PTPRD: variants seen among roughly 807,000 people sequenced by gnomAD.
The protein encoded by PTPRD is protein tyrosine phosphatase receptor type D, also known as receptor-type tyrosine-protein phosphatase delta.
A neutral mutation model predicts 214.5 loss-of-function variants in PTPRD; 34 were observed. That is an observed-to-expected ratio of 0.16 (90% CI 0.12 to 0.21). The LOEUF is 0.21. Among genes scored for constraint, PTPRD ranks in the 10% least tolerant of loss-of-function variants. The pLI is 1.00. For missense variants in PTPRD, 2,545 were observed against 2,398.7 expected (o/e 1.06, Z -1.27); for synonymous variants, 1,128 against 845.7 (o/e 1.33, Z -5.79).
chr9:10,413,677 C>G (rs1184549471), intron 2 of PTPRD, among the ~76,000 whole-genome samples: 1 of 151,926 alleles, frequency 6.6e-6, no homozygotes, highest in Admixed American at 6.6e-5. Context: ...AAGAACAAAG[C>G]TGGAGGCATC....
chr9:9,767,733 T>A (rs575152246), intron 5 of PTPRD, among the ~76,000 whole-genome samples: 1 of 152,108 alleles, frequency 6.6e-6, no homozygotes, highest in Admixed American at 6.6e-5. Context: ...GAGTAAAATT[T>A]TTTGCTATGA....
chr9:10,524,345 T>C (rs989144873), intron 2 of PTPRD, among the ~76,000 whole-genome samples: 9 of 152,102 alleles, frequency 5.9e-5, no homozygotes, highest in African/African-American at 2.2e-4. Flanking sequence ...TTGTGTTTGA[T>C]ACATAGTTTA....
At chr9:9,077,758 T>C (rs541482717) in intron 10 of PTPRD, among the ~76,000 whole-genome samples, 14 of 152,114 alleles carry the variant, frequency 9.2e-5, no homozygotes, top group African/African-American at 3.4e-4. Flanking sequence ...TGCCTACCTA[T>C]ACAAGATAAA....
chr9:9,998,791 C>T (rs1187222993), intron 4 of PTPRD, among the ~76,000 whole-genome samples: 1 of 152,040 alleles, frequency 6.6e-6, no homozygotes, highest in Non-Finnish European at 1.5e-5. Flanking sequence ...TTGAGATAAG[C>T]GAGGGAAAGG....
At position 9,690,795 on chromosome 9, in the gene PTPRD, G is replaced by T. The variant is rs542626699; in HGVS notation, c.-287+43738C>A. 5.9e-5 allele frequency among the ~76,000 whole-genome samples: 9 copies of T among 151,806 alleles called. No homozygotes were observed. The South Asian group carries it at 1.9e-3, about 32-fold the overall frequency. On this transcript the variant is annotated intron_variant, in intron 7 of 45. Coordinates refer to ENST00000381196, the MANE Select transcript of PTPRD (RefSeq NM_002839.4). ...GCTGTAAATGTGTGGACTTATTTCT[G>T]GTCTCTATTCTGTTTCATTGGTGTA...
chr9:9,818,609 A>G (rs936977083), intron 5 of PTPRD, among the ~76,000 whole-genome samples: 2 of 152,100 alleles, frequency 1.3e-5, no homozygotes, highest in African/African-American at 4.8e-5. Flanking sequence ...AATACTAACA[A>G]ACATTATTAT....
chr9:10,263,761 A>G (rs1595669063), intron 3 of PTPRD, among the ~76,000 whole-genome samples: 1 of 152,154 alleles, frequency 6.6e-6, no homozygotes, highest in African/African-American at 2.4e-5. Context: ...AAGGAGCCCA[A>G]TGTTAATCAC....
At chr9:9,760,611 C>A (rs1291505856) in intron 6 of PTPRD, among the ~76,000 whole-genome samples, 1 of 101,670 alleles carries the variant, frequency 9.8e-6, no homozygotes, top group African/African-American at 4.9e-5. Flanking sequence ...CACACACACA[C>A]ACACACACAC....
chr9:8,784,190 T>C (rs1482061641), intron 11 of PTPRD, among the ~76,000 whole-genome samples: 1 of 152,170 alleles, frequency 6.6e-6, no homozygotes, highest in African/African-American at 2.4e-5. Flanking sequence ...AAGCTAATAA[T>C]GGCTTCATTC....
intron 8 of PTPRD, among the ~76,000 whole-genome samples, chr9:9,535,744 A>AT (rs2076382950): frequency 6.6e-6 from 1 of 152,046 alleles, no homozygotes; most frequent in African/African-American, 2.4e-5. Context: ...ACAGAAAAAC[A>AT]TTTTCAGAAG....
chr9:9,763,692 C>A (rs1013548706), intron 6 of PTPRD, among the ~76,000 whole-genome samples: 13 of 152,160 alleles, frequency 8.5e-5, no homozygotes, highest in African/African-American at 3.1e-4. Context: ...ACTTTCCAAT[C>A]TGTACACTTA....
chr9:10,222,815 G>A (rs2099575693), intron 3 of PTPRD, among the ~76,000 whole-genome samples: 1 of 151,936 alleles, frequency 6.6e-6, no homozygotes, highest in African/African-American at 2.4e-5. Context: ...AACAATTTCA[G>A]AAAGAAAGAA....
chr9:8,965,144 G>A (rs1304589236), intron 11 of PTPRD, among the ~76,000 whole-genome samples: 3 of 152,108 alleles, frequency 2.0e-5, no homozygotes, highest in Non-Finnish European at 2.9e-5. Flanking sequence ...TTGGGAGGCC[G>A]AGGCAGGCAG....
At chr9:10,292,008 C>T (rs545639654) in intron 3 of PTPRD, among the ~76,000 whole-genome samples, 2 of 152,116 alleles carry the variant, frequency 1.3e-5, no homozygotes, top group African/African-American at 4.8e-5. Context: ...AATTTCCATG[C>T]ACTAAGTAGC....
At chr9:9,021,753 T>TA (rs1024042761) in intron 10 of PTPRD, among the ~76,000 whole-genome samples, 2 of 151,870 alleles carry the variant, frequency 1.3e-5, no homozygotes, top group Admixed American at 1.3e-4. Context: ...TAATTTTTAG[T>TA]AAAAAAAAGT....
chr9:9,048,627 G>C (rs763264428), intron 10 of PTPRD, among the ~76,000 whole-genome samples: 2 of 152,114 alleles, frequency 1.3e-5, no homozygotes, highest in African/African-American at 2.4e-5. Flanking sequence ...CATGAACATA[G>C]AGAGTAGAAG....
chr9:10,304,771 T>C (rs768280510), intron 3 of PTPRD, among the ~76,000 whole-genome samples: 5 of 152,004 alleles, frequency 3.3e-5, no homozygotes, highest in Admixed American at 6.6e-5. Context: ...ACACAAACAA[T>C]TGGAAAAACA....
chr9:10,482,534 C>G (rs2099107511), intron 2 of PTPRD, among the ~76,000 whole-genome samples: 1 of 151,920 alleles, frequency 6.6e-6, no homozygotes, highest in Non-Finnish European at 1.5e-5. Flanking sequence ...TAAAAGACCC[C>G]TCCAAAAGAT....
chr9:10,583,993 C>A (rs1481247633), intron 2 of PTPRD, among the ~76,000 whole-genome samples: 1 of 152,064 alleles, frequency 6.6e-6, no homozygotes, highest in Admixed American at 6.5e-5. Flanking sequence ...CAATTCTGAG[C>A]ATTGCCAGCC....
Sources: gnomAD v4.1 joint callset for allele counts (sites outside exome capture counted in the v4.1 genomes callset) on GRCh38, gnomAD v4.1.1 for gene constraint, MANE v1.5 for transcripts, NCBI Gene and HGNC (gene_info 2026-07-23, HGNC 2026-07-21) for gene names.